Variants in PANK3 observed in about 807,000 individuals in gnomAD.
The protein encoded by PANK3 is pantothenate kinase 3.
PANK3 carries 20 observed loss-of-function variants against 39.4 expected under a neutral mutation model. The ratio of observed to expected loss-of-function variants is 0.51; its 90% CI spans 0.36 to 0.74. PANK3 has a LOEUF of 0.74. Ranked by LOEUF, PANK3 falls within the 30% of genes least tolerant of loss-of-function variation. PANK3 has a pLI of 0.00. For synonymous variants in PANK3, 140 were observed against 157.3 expected (o/e 0.89, Z 0.82); for missense variants, 265 against 437.0 (o/e 0.61, Z 3.51).
intron 4 of PANK3, among the ~76,000 whole-genome samples, chr5:168,563,650 G>A (rs1345742959): frequency 1.3e-5 from 2 of 149,574 alleles, no homozygotes; most frequent in East Asian, 2.0e-4. Context: ...ATTTGTATTT[G>A]CATAAACACT....
rs1759336059 is a variant in PANK3 at position 168,555,652 on chromosome 5, T to G, written c.*1919A>C. On this transcript the variant is annotated 3_prime_UTR_variant, in exon 7 of 7. Coordinates refer to ENST00000239231, the MANE Select transcript of PANK3 (RefSeq NM_024594.4). ...GAGATATTTAACCTTTTATTGTCCTTTAGAGCACATCTCAATTTGGACTAA... is the reference window on the plus strand; with the variant it reads ...GAGATATTTAACCTTTTATTGTCCTGTAGAGCACATCTCAATTTGGACTAA... 2 of 152,260 alleles carry G rather than the reference T, an allele frequency of 1.3e-5. No individual in the cohort carries two copies. The highest frequency in any genetic ancestry group is 1.3e-4 in the Admixed American group (2 of 15,290). 9.4% of individuals were successfully genotyped at this position (152,260 alleles called of 1,614,324 possible).
At position 168,550,538 on chromosome 5, in the gene PANK3, C is replaced by G. The variant is rs571101231; in HGVS notation, c.*7033G>C. ...AAACATTTTAATATACATATAAAAC[C>G]TTTCATATTACTTTAAGGTATATCT... On this transcript the variant is annotated 3_prime_UTR_variant, in exon 7 of 7. Coordinates refer to ENST00000239231, the MANE Select transcript of PANK3 (RefSeq NM_024594.4). 3.9e-5 allele frequency: 6 copies of G among 152,122 alleles called. No homozygotes were observed. Among genetic ancestry groups the G allele is most frequent in the Admixed American group, 2.6e-4 (4 of 15,286 alleles). The allele number at this position is 152,122 out of a possible 1,614,324, so 9.4% of individuals were successfully genotyped here.
chr5:168,572,333 T>G (rs1051998582), intron 1 of PANK3, among the ~76,000 whole-genome samples: 17 of 151,630 alleles, frequency 1.1e-4, no homozygotes, highest in African/African-American at 3.9e-4. Context: ...AGGATGGTTT[T>G]GATCTCCTAA....
chr5:168,572,110 C>CTTTT (rs34970571), intron 1 of PANK3, among the ~76,000 whole-genome samples: 13 of 101,298 alleles, frequency 1.3e-4, no homozygotes, highest in Non-Finnish European at 1.8e-4. Context: ...CAACATAGGC[C>CTTTT]TTTTTTTTTT....
At chr5:168,573,444 A>AAAAAAAAAAAAAAAAAAC (rs1759679971) in intron 1 of PANK3, among the ~76,000 whole-genome samples, 1 of 143,902 alleles carries the variant, frequency 6.9e-6, no homozygotes, top group African/African-American at 2.5e-5. Flanking sequence ...AAAAAAAAAA[A>AAAAAAAAAAAAAAAAAAC]AAGGCACAAA....
chr5:168,569,030 A>AAAATATATATATATAT (rs1554125888), intron 1 of PANK3, 32 bp from the exon 2 acceptor site: 23 of 120,320 alleles, frequency 1.9e-4, no homozygotes, highest in East Asian at 1.1e-3. Context: ...AAAAAAAAAA[A>AAAATATATATATATAT]ATATATATAT....
chr5:168,577,439 C>A (rs941397320), intron 1 of PANK3, among the ~76,000 whole-genome samples: 4 of 151,622 alleles, frequency 2.6e-5, no homozygotes, highest in Non-Finnish European at 4.4e-5. Flanking sequence ...AATTTCTCAA[C>A]CTAATGTGTA....
intron 4 of PANK3, among the ~76,000 whole-genome samples, chr5:168,563,436 G>C (rs1187733162): frequency 1.3e-5 from 2 of 152,140 alleles, no homozygotes; most frequent in African/African-American, 2.4e-5. Flanking sequence ...GCTGGTGAGA[G>C]TGAAAAACAG....
chr5:168,578,051 G>C (rs1278709347), intron 1 of PANK3, among the ~76,000 whole-genome samples: 1 of 152,182 alleles, frequency 6.6e-6, no homozygotes, highest in African/African-American at 2.4e-5. Flanking sequence ...TTAATTAACA[G>C]ATGAAACTAC....
At chr5:168,574,839 C>T (rs528670295) in intron 1 of PANK3, among the ~76,000 whole-genome samples, 1 of 151,846 alleles carries the variant, frequency 6.6e-6, no homozygotes, top group Non-Finnish European at 1.5e-5. Flanking sequence ...CCAGCCTGGG[C>T]GACAAAAGCG....
chr5:168,576,940 C>T (rs748587543), intron 1 of PANK3, among the ~76,000 whole-genome samples: 21 of 151,810 alleles, frequency 1.4e-4, no homozygotes, highest in Admixed American at 2.0e-4. Context: ...AGTGCAGTGG[C>T]GTGATCTCGG....
intron 2 of PANK3, among the ~76,000 whole-genome samples, chr5:168,567,531 C>T (rs1409553596): frequency 2.0e-5 from 3 of 152,142 alleles, no homozygotes; most frequent in Non-Finnish European, 2.9e-5. Context: ...TGTTGTTACT[C>T]CTCTGTGTTC....
chr5:168,562,791 C>T (rs1453216942), intron 4 of PANK3, among the ~76,000 whole-genome samples: 1 of 152,032 alleles, frequency 6.6e-6, no homozygotes, highest in African/African-American at 2.4e-5. Flanking sequence ...TACTGAGATT[C>T]CAAAAACATT....
intron 1 of PANK3, among the ~76,000 whole-genome samples, chr5:168,578,964 A>G (rs921825434): frequency 3.9e-5 from 6 of 152,208 alleles, no homozygotes; most frequent in Admixed American, 2.0e-4. Context: ...GGGAGAGGAG[A>G]CTAGTCTGGT....
Position 168,559,172 on chromosome 5 carries a change from C to A in PANK3, c.937-15G>T. ...CTGTTTATTTTCTAAAAGAAAAGAA[C>A]AAAGAAAAAACTTGTAAAAATAATA... On this transcript the variant is annotated splice_polypyrimidine_tract_variant and intron_variant, in intron 5 of 6. Coordinates refer to ENST00000239231, the MANE Select transcript of PANK3 (RefSeq NM_024594.4). 7 of 1,446,738 alleles carry A rather than the reference C, an allele frequency of 4.8e-6. No homozygotes were observed. Among genetic ancestry groups the A allele is most frequent in the Admixed American group, 2.2e-5 (1 of 46,290 alleles). 89.6% of individuals were successfully genotyped at this position (1,446,738 alleles called of 1,614,324 possible). A position where few individuals can be genotyped will look rare whatever the true frequency, so the allele number is the denominator to read the frequency against.
intron 1 of PANK3, among the ~76,000 whole-genome samples, chr5:168,574,400 T>C (rs953774409): frequency 2.0e-5 from 3 of 152,198 alleles, no homozygotes; most frequent in Non-Finnish European, 4.4e-5. Flanking sequence ...ATTACCAACA[T>C]ATATTTTCCA....
At chr5:168,568,269 A>C (rs1443340331) in intron 2 of PANK3, among the ~76,000 whole-genome samples, 1 of 152,234 alleles carries the variant, frequency 6.6e-6, no homozygotes, top group Non-Finnish European at 1.5e-5. Flanking sequence ...TGGCCCTGGA[A>C]GATTAATATT....
chr5:168,564,148 T>C (rs1759487349), intron 3 of PANK3, 83 bp from the exon 4 acceptor site: 1 of 1,176,488 alleles, frequency 8.5e-7, no homozygotes, highest in Non-Finnish European at 1.1e-6. Context: ...CATTCATGTA[T>C]TCAATGAACA....
intron 1 of PANK3, 22 bp downstream of exon 1, chr5:168,579,234 C>T: frequency 2.7e-6 from 4 of 1,484,370 alleles, no homozygotes; most frequent in Non-Finnish European, 3.6e-6. Context: ...CCCAACCTGG[C>T]GGGCCCCAGC....
Sources: allele counts gnomAD v4.1 joint callset (sites outside exome capture counted in the v4.1 genomes callset), GRCh38; gene constraint gnomAD v4.1.1; transcripts MANE v1.5; gene names NCBI Gene and HGNC (gene_info 2026-07-23, HGNC 2026-07-21).